Variants in CTNS observed in about 807,000 individuals in gnomAD.
CTNS encodes cystinosin.
In CTNS, 27 loss-of-function variants were observed where a neutral mutation model predicts 43.7. That is an observed-to-expected ratio of 0.62 (90% CI 0.46 to 0.85). The LOEUF (loss-of-function observed/expected upper bound fraction) is 0.85, where lower values mean the gene tolerates loss of function less well. Among genes scored for constraint, CTNS ranks in the 40% least tolerant of loss-of-function variants. The pLI, the probability that CTNS is intolerant of heterozygous loss-of-function variation, is 0.00. For missense variants in CTNS, 457 were observed against 475.4 expected (o/e 0.96, Z 0.36); for synonymous variants, 187 against 190.6 (o/e 0.98, Z 0.16).
intron 5 of CTNS, chr17:3,650,310 A>G: frequency 6.5e-7 from 1 of 1,549,234 alleles, no homozygotes; most frequent in East Asian, 2.4e-5. Context: ...GCATGTGGGA[A>G]CCTGTGATCT....
chr17:3,658,152 A>G lies in CTNS; in HGVS notation c.829A>G (p.Thr277Ala), dbSNP rs1380198408. 5 of 1,612,038 alleles carry G rather than the reference A, an allele frequency of 3.1e-6. No homozygotes were observed. Among genetic ancestry groups the G allele is most frequent in the East Asian group, 2.2e-5 (1 of 44,874 alleles). ...CTTCTCCTACATCAAGCTCGCAGTC[A>G]CGCTGGTCAAGTATTTTCCACAGGT... Reference protein sequence around the residue: ...FCFSYIKLAVTLVKYFPQAYM... With the variant: ...FCFSYIKLAVALVKYFPQAYM... The change falls in exon 10 of 12, where the codon ACG becomes GCG. Residue 277 changes from threonine (T) to alanine (A), a missense_variant. Thr to Ala is a moderately conservative substitution (Grantham distance 58). Coordinates refer to ENST00000046640, the MANE Select transcript of CTNS (RefSeq NM_004937.3).
rs747683162 is a variant in CTNS at position 3,655,399 on chromosome 17, G to A, written c.461+47G>A. ...GCAGGCTCTCTCGGGGCCCCTAGGAGCAGGGCGTTCCAGCAAGGCTGCCGA... is the reference window on the plus strand; with the variant it reads ...GCAGGCTCTCTCGGGGCCCCTAGGAACAGGGCGTTCCAGCAAGGCTGCCGA... On this transcript the variant is annotated intron_variant, in intron 7 of 11. Coordinates refer to ENST00000046640, the MANE Select transcript of CTNS (RefSeq NM_004937.3). 36 of 1,611,726 alleles carry A rather than the reference G, an allele frequency of 2.2e-5. No individual in the cohort carries two copies. The East Asian group carries it at 3.6e-4, about 16-fold the overall frequency.
chr17:3,659,787 G>A, intron 10 of CTNS, 71 bp from the exon 11 acceptor site: 1 of 1,107,172 alleles, frequency 9.0e-7, no homozygotes, highest in South Asian at 1.2e-5. Context: ...TGGAGGGGCA[G>A]TCACGAGGCG....
At chr17:3,649,439 G>A (rs1473305934) in intron 5 of CTNS, among the ~76,000 whole-genome samples, 1 of 144,594 alleles carries the variant, frequency 6.9e-6, no homozygotes, top group Non-Finnish European at 1.5e-5. Context: ...GTGACAGAGT[G>A]AGACTCCTTC....
At chr17:3,652,261 C>A (rs1231521575) in intron 5 of CTNS, among the ~76,000 whole-genome samples, 1 of 152,194 alleles carries the variant, frequency 6.6e-6, no homozygotes, top group African/African-American at 2.4e-5. Context: ...GTTTACTTGA[C>A]AGCCTTGTGA....
intron 7 of CTNS, 113 bp downstream of exon 7, chr17:3,655,465 T>A: frequency 6.7e-7 from 1 of 1,494,798 alleles, no homozygotes; most frequent in Non-Finnish European, 9.2e-7. Context: ...TCTGTCTGCC[T>A]ACCCTTTCCA....
At chr17:3,650,229 A>G in intron 5 of CTNS, 1 of 1,550,584 alleles carries the variant, frequency 6.4e-7, no homozygotes, top group Non-Finnish European at 8.7e-7. Context: ...CATGAGGCAC[A>G]TCAAGATGGG....
chr17:3,643,263 G>A (rs146758460), intron 3 of CTNS, among the ~76,000 whole-genome samples: 2 of 151,948 alleles, frequency 1.3e-5, no homozygotes, highest in African/African-American at 4.8e-5. Context: ...GCAGTGAGTC[G>A]AGATCGTGCC....
intron 5 of CTNS, among the ~76,000 whole-genome samples, chr17:3,652,328 A>C (rs2076007048): frequency 6.6e-6 from 1 of 152,218 alleles, no homozygotes; most frequent in African/African-American, 2.4e-5. Flanking sequence ...ACGGTGGCTC[A>C]TGCCTGTAAT....
rs948057294 is a variant in CTNS at position 3,637,090 on chromosome 17, G to T, written c.-229-17G>T. 137 of 152,300 alleles carry T rather than the reference G, an allele frequency of 9.0e-4. 1 individual carries two copies. The highest frequency in any genetic ancestry group is 3.2e-3 in the African/African-American group (134 of 41,468). The allele number at this position is 152,300 out of a possible 1,614,324, so 9.4% of individuals were successfully genotyped here. ...TCTGCTCAGTTGCCGCCTGGGTCTC[G>T]GTTGGGGAATTTGCAGATTGCTTTG... On this transcript the variant is annotated splice_polypyrimidine_tract_variant and intron_variant, in intron 1 of 11. Transcript: ENST00000046640.
chr17:3,645,569 T>C (rs1597614377), intron 3 of CTNS, among the ~76,000 whole-genome samples: 1 of 152,018 alleles, frequency 6.6e-6, no homozygotes, highest in South Asian at 2.1e-4. Context: ...AACTTTAAGT[T>C]TCCTTCCGGG....
intron 3 of CTNS, among the ~76,000 whole-genome samples, chr17:3,642,092 T>TGTGTGTGTGTGCCTGG (rs2075731134): frequency 7.0e-6 from 1 of 142,082 alleles, no homozygotes; most frequent in Non-Finnish European, 1.6e-5. Context: ...TGCCTGGGCG[T>TGTGTGTGTGTGCCTGG]GTGTGTGTGT....
chr17:3,649,469 A>T, intron 5 of CTNS, among the ~76,000 whole-genome samples: 1 of 151,530 alleles, frequency 6.6e-6, no homozygotes, highest in East Asian at 1.9e-4. Context: ...AAAAAAAAAA[A>T]AGTTCTTACA....
chr17:3,659,719 A>T (rs2076241049), intron 10 of CTNS, 139 bp from the exon 11 acceptor site: 1 of 721,460 alleles, frequency 1.4e-6, no homozygotes, highest in Non-Finnish European at 2.5e-6. Context: ...CATAGCCCAA[A>T]GGTCACCGTG....
chr17:3,659,750 G>A, intron 10 of CTNS, 108 bp from the exon 11 acceptor site: 1 of 801,934 alleles, frequency 1.2e-6, no homozygotes, highest in South Asian at 1.4e-5. Context: ...CAAGGCCCCA[G>A]TGGGAGGAAT....
In CTNS at chr17:3,643,788, A is replaced by G. The variant is rs778047674; in HGVS notation, c.61+3521A>G. Among the ~76,000 whole-genome samples the G allele has an allele frequency of 4.3e-4, 66 of 152,254 alleles. 1 individual carries two copies. Among genetic ancestry groups the G allele is most frequent in the Middle Eastern group, 3.4e-3 (1 of 294 alleles). On this transcript the variant is annotated intron_variant, in intron 3 of 11. Coordinates refer to ENST00000046640, the MANE Select transcript of CTNS (RefSeq NM_004937.3). The stretch of plus-strand genomic sequence containing the variant: ...CACCATGTTGGCCAGGTTGGTCTCA[A>G]ACTCCTGACCTCAAGTGATCTGACC...
In CTNS at chr17:3,650,449, T is replaced by C. The variant is rs112184202; in HGVS notation, c.225+1518T>C. The C allele has an allele frequency of 5.1e-3, 6,021 of 1,190,532 alleles. 32 individuals carry two copies. The highest frequency in any genetic ancestry group is 6.1e-3 in the Non-Finnish European group (5,319 of 867,540). The allele number at this position is 1,190,532 out of a possible 1,614,324, so 73.7% of individuals were successfully genotyped here. A position where few individuals can be genotyped will look rare whatever the true frequency, so the allele number is the denominator to read the frequency against. ...GTGAGCCATGACTGTACCACTGCCCTCCAGCCTGAGTGTTGGAGCAAGACT... is the reference window on the plus strand; with the variant it reads ...GTGAGCCATGACTGTACCACTGCCCCCCAGCCTGAGTGTTGGAGCAAGACT... On this transcript the variant is annotated intron_variant, in intron 5 of 11. Transcript: ENST00000046640.
Position 3,661,833 on chromosome 17 carries a change from G to T in CTNS, c.*1464G>T, listed in dbSNP as rs1223826448. ...AAGGGCACACCAGCACTGGGAGCGG[G>T]GGCAGTGGGGGTCTTATTCTCCAGA... On this transcript the variant is annotated 3_prime_UTR_variant, in exon 12 of 12. Coordinates refer to ENST00000046640, the MANE Select transcript of CTNS (RefSeq NM_004937.3). Among the ~76,000 whole-genome samples, 1 of 152,208 alleles carries T rather than the reference G, an allele frequency of 6.6e-6. No homozygotes were observed. Among genetic ancestry groups the T allele is most frequent in the Non-Finnish European group, 1.5e-5 (1 of 68,034 alleles).
intron 2 of CTNS, 74 bp from the exon 3 acceptor site, chr17:3,640,114 G>A: frequency 8.3e-7 from 1 of 1,204,418 alleles, no homozygotes; most frequent in South Asian, 1.2e-5. Context: ...ATGCTCCAGA[G>A]GGCAGATTGT....
Sources: allele counts gnomAD v4.1 joint callset (sites outside exome capture counted in the v4.1 genomes callset), GRCh38; gene constraint gnomAD v4.1.1; transcripts MANE v1.5; gene names NCBI Gene and HGNC (gene_info 2026-07-23, HGNC 2026-07-21).